WDR59: variants seen among roughly 807,000 people sequenced by gnomAD.
The protein encoded by WDR59 is WD repeat domain 59, also known as GATOR2 complex protein WDR59.
A neutral mutation model predicts 131.2 loss-of-function variants in WDR59; 100 were observed. The observed-to-expected ratio is 0.76, with a 90% CI of 0.65 to 0.90. The LOEUF (loss-of-function observed/expected upper bound fraction) is 0.90, where lower values mean the gene tolerates loss of function less well. WDR59 is among the 40% of genes least tolerant of loss of function. WDR59 has a pLI of 0.00. For synonymous variants in WDR59, 601 were observed against 466.2 expected (o/e 1.29, Z -3.72); for missense variants, 1,203 against 1,262.2 (o/e 0.95, Z 0.71).
chr16:74,878,938 C>T (rs1486247340), intron 25 of WDR59, among the ~76,000 whole-genome samples: 2 of 152,228 alleles, frequency 1.3e-5, no homozygotes, highest in Non-Finnish European at 2.9e-5. Context: ...TTCCTATAAA[C>T]TATAGGCCAG....
chr16:74,983,135 G>C (rs1240044567), intron 1 of WDR59, among the ~76,000 whole-genome samples: 1 of 152,152 alleles, frequency 6.6e-6, no homozygotes, highest in Non-Finnish European at 1.5e-5. Flanking sequence ...CTGAGGCCAG[G>C]GGTTCAAGAC....
chr16:74,892,670 C>A (rs1162719722), intron 19 of WDR59, 105 bp from the exon 20 acceptor site: 3 of 968,008 alleles, frequency 3.1e-6, no homozygotes, highest in East Asian at 2.6e-5. Context: ...TTGGTTATCA[C>A]TCAAAATGTT....
At chr16:74,954,410 A>G (rs2033176524) in intron 3 of WDR59, among the ~76,000 whole-genome samples, 1 of 152,336 alleles carries the variant, frequency 6.6e-6, no homozygotes, top group South Asian at 2.1e-4. Context: ...CTCTGTCTCA[A>G]AACAAACAAA....
At chr16:74,923,255 A>G (rs1567723834) in intron 9 of WDR59, among the ~76,000 whole-genome samples, 1 of 152,202 alleles carries the variant, frequency 6.6e-6, no homozygotes. Context: ...TACCAGTATT[A>G]AATGATAGAG....
intron 1 of WDR59, among the ~76,000 whole-genome samples, chr16:74,969,473 G>A (rs1487222483): frequency 1.3e-5 from 2 of 152,078 alleles, no homozygotes; most frequent in Non-Finnish European, 2.9e-5. Context: ...GGGTTTCACC[G>A]TGTTAGCCAG....
At chr16:74,884,312 G>A (rs1964652720) in intron 25 of WDR59, among the ~76,000 whole-genome samples, 1 of 152,138 alleles carries the variant, frequency 6.6e-6, no homozygotes, top group African/African-American at 2.4e-5. Context: ...TACTTCTTAT[G>A]CCCTTGGAAG....
At chr16:74,940,807 G>C (rs1356497388) in intron 7 of WDR59, among the ~76,000 whole-genome samples, 1 of 152,104 alleles carries the variant, frequency 6.6e-6, no homozygotes, top group Non-Finnish European at 1.5e-5. Flanking sequence ...CCGGGTTCAA[G>C]CGATTCTCCT....
intron 13 of WDR59, 131 bp downstream of exon 13, chr16:74,915,739 T>TAA (rs1966336881): frequency 2.8e-6 from 4 of 1,409,516 alleles, no homozygotes; most frequent in Non-Finnish European, 3.9e-6. Context: ...ACCCAGGAAA[T>TAA]AAAAAAGCAA....
intron 25 of WDR59, 30 bp from the exon 26 acceptor site, chr16:74,874,474 G>C: frequency 1.2e-6 from 2 of 1,601,824 alleles, no homozygotes; most frequent in Non-Finnish European, 8.5e-7. Context: ...GGCAAAACAA[G>C]AGGCAGCATG....
In WDR59 at chr16:74,892,493, A is replaced by G. The variant is rs1193936957; in HGVS notation, c.2073T>C (p.Asp691=). 6.2e-7 allele frequency: 1 copy of G among 1,613,720 alleles called. No homozygotes were observed. Among genetic ancestry groups the G allele is most frequent in the South Asian group, 1.1e-5 (1 of 91,038 alleles). ...AASALLVGRK[D]LVQVWSLATV... is the part of the protein sequence containing the mutation. Reference sequence around the variant, plus strand: ...AAGGGATGGACAATACCTGGACAAGATCCTTTCTTCCAACGAGCAAGGCAG... The same window carrying G: ...AAGGGATGGACAATACCTGGACAAGGTCCTTTCTTCCAACGAGCAAGGCAG... Residue 691 remains aspartate (D), a synonymous_variant, in exon 20 of 26, where the codon GAT becomes GAC. Transcript: ENST00000262144.
Position 74,945,304 on chromosome 16 carries a change from G to C in WDR59, c.446-2478C>G, listed in dbSNP as rs531409092. Reference sequence around the variant, plus strand: ...ATCCTGGCTAACACAGTGAAACCCTGTCTCTACTAAAAATACAAAAAAATT... The same window carrying C: ...ATCCTGGCTAACACAGTGAAACCCTCTCTCTACTAAAAATACAAAAAAATT... On this transcript the variant is annotated intron_variant, in intron 6 of 25. Transcript: ENST00000262144. Among the ~76,000 whole-genome samples the C allele has an allele frequency of 4.7e-5, 7 of 149,738 alleles. No individual in the cohort carries two copies. In the South Asian group the frequency reaches 1.5e-3, roughly 32 times the overall value.
chr16:74,888,354 G>A, intron 21 of WDR59, 35 bp from the exon 22 acceptor site: 1 of 1,596,472 alleles, frequency 6.3e-7, no homozygotes. Context: ...AAACAAGTCA[G>A]GAGGAGGGAT....
intron 20 of WDR59, 50 bp downstream of exon 20, chr16:74,892,434 T>C (rs553193657): frequency 1.4e-6 from 2 of 1,460,550 alleles, no homozygotes; most frequent in African/African-American, 1.4e-5. Context: ...GTAAAAACAA[T>C]TTGCTCCTGA....
chr16:74,895,538 C>G (rs1393001629), intron 18 of WDR59, among the ~76,000 whole-genome samples: 1 of 152,226 alleles, frequency 6.6e-6, no homozygotes, highest in Non-Finnish European at 1.5e-5. Context: ...GCTAAGATTA[C>G]AGGCATGAGC....
intron 7 of WDR59, among the ~76,000 whole-genome samples, 183 bp downstream of exon 7, chr16:74,942,555 A>G (rs1364289487): frequency 6.6e-6 from 1 of 152,090 alleles, no homozygotes. Context: ...TCACTTCCCT[A>G]GTTTCCTTCA....
At chr16:74,984,884 C>CCGGGACG (rs2034562520) in intron 1 of WDR59, 80 bp downstream of exon 1, 1 of 1,558,258 alleles carries the variant, frequency 6.4e-7, no homozygotes, top group African/African-American at 1.4e-5. Flanking sequence ...CCGTAGCCCC[C>CCGGGACG]CGGGACGGAA....
At chr16:74,967,400 T>C (rs75082317) in intron 1 of WDR59, among the ~76,000 whole-genome samples, 2,340 of 152,250 alleles carry the variant, frequency 0.015, 55 homozygotes, top group African/African-American at 0.053. Flanking sequence ...CTGTGTAATC[T>C]TTCTGGGGAG....
intron 17 of WDR59, chr16:74,904,439 A>G (rs1465078206): frequency 4.5e-6 from 1 of 222,182 alleles, no homozygotes; most frequent in East Asian, 1.4e-4. Flanking sequence ...TTATAGTAGC[A>G]TTAAAACACG....
In WDR59 at chr16:74,965,810, A is replaced by G; in HGVS notation, c.67T>C (p.Ser23Pro). The G allele has an allele frequency of 6.2e-7, 1 of 1,614,160 alleles. No homozygotes were observed. Among genetic ancestry groups the G allele is most frequent in the Non-Finnish European group, 8.5e-7 (1 of 1,180,016 alleles). ...EFRDSQATAMSVDCLGQHAVL... is the reference protein window; with the variant it reads ...EFRDSQATAMPVDCLGQHAVL... ...GCATGCTGCCCAAGACAGTCCACAG[A>G]CATCGCAGTTGCCTGAGAGAGAGAA... The change falls in exon 2 of 26, where the codon TCT becomes CCT. Residue 23 changes from serine to proline, a missense_variant. Transcript: ENST00000262144.
Sources: allele counts gnomAD v4.1 joint callset (sites outside exome capture counted in the v4.1 genomes callset), GRCh38; gene constraint gnomAD v4.1.1; transcripts MANE v1.5; gene names NCBI Gene and HGNC (gene_info 2026-07-23, HGNC 2026-07-21).